Variants in CDH13 observed in about 807,000 individuals in gnomAD.
The protein encoded by CDH13 is cadherin 13.
Under a neutral mutation model 63.8 loss-of-function variants are expected in CDH13, and 24 were observed. The ratio of observed to expected loss-of-function variants is 0.38; its 90% CI spans 0.27 to 0.53. The LOEUF (loss-of-function observed/expected upper bound fraction) is 0.53, where lower values mean the gene tolerates loss of function less well. CDH13 is among the 20% of genes least tolerant of loss of function. The pLI is 0.85. For missense variants in CDH13, 1,049 were observed against 903.1 expected, an observed-to-expected ratio of 1.16 and a Z score of -2.07; for synonymous variants, 503 against 355.3, an observed-to-expected ratio of 1.42 and a Z score of -4.67.
At chr16:83,526,717 C>A (rs904733185) in intron 7 of CDH13, among the ~76,000 whole-genome samples, 2 of 152,214 alleles carry the variant, frequency 1.3e-5, no homozygotes, top group Non-Finnish European at 2.9e-5. Flanking sequence ...TCTTTCACTT[C>A]CCCAGCCCAG....
intron 10 of CDH13, among the ~76,000 whole-genome samples, chr16:83,684,320 G>T (rs537765370): frequency 6.6e-6 from 1 of 152,166 alleles, no homozygotes; most frequent in East Asian, 1.9e-4. Flanking sequence ...AAGTTACAGT[G>T]AGCAGAGATG....
At chr16:83,631,454 A>C (rs1245187936) in intron 8 of CDH13, among the ~76,000 whole-genome samples, 1 of 152,096 alleles carries the variant, frequency 6.6e-6, no homozygotes, top group African/African-American at 2.4e-5. Context: ...GATTTCAAAC[A>C]CAGCTTGTCT....
intron 2 of CDH13, among the ~76,000 whole-genome samples, chr16:82,941,510 G>A (rs1475510957): frequency 2.6e-5 from 4 of 152,200 alleles, no homozygotes; most frequent in African/African-American, 7.2e-5. Flanking sequence ...GTAGAAAATA[G>A]CCCTTCCCTT....
At chr16:83,301,578 C>T (rs4782530) in intron 5 of CDH13, among the ~76,000 whole-genome samples, 130,591 of 152,020 alleles carry the variant, frequency 0.86, 56,332 homozygotes, top group East Asian at 0.97. Context: ...AAGGTCGGAC[C>T]GACAGACTAT....
At chr16:83,597,685 C>G (rs1159718827) in intron 7 of CDH13, among the ~76,000 whole-genome samples, 1 of 152,176 alleles carries the variant, frequency 6.6e-6, no homozygotes, top group Non-Finnish European at 1.5e-5. Context: ...GAAACCTCAT[C>G]ACAAACTTTG....
Position 83,614,185 on chromosome 16 carries a change from G to A in CDH13, c.1101+11591G>A, listed in dbSNP as rs530059600. 2.6e-5 allele frequency among the ~76,000 whole-genome samples: 4 copies of A among 152,188 alleles called. No homozygotes were observed. The South Asian group carries it at 6.2e-4, about 24-fold the overall frequency. ...ATTCCCCCAGAGAGGATTCCCTTTTGCTTTCTGTAAACAGATAAGAGTAGG... is the reference window on the plus strand; with the variant it reads ...ATTCCCCCAGAGAGGATTCCCTTTTACTTTCTGTAAACAGATAAGAGTAGG... On this transcript the variant is annotated intron_variant, in intron 8 of 13. Coordinates refer to ENST00000567109, the MANE Select transcript of CDH13 (RefSeq NM_001257.5).
intron 10 of CDH13, among the ~76,000 whole-genome samples, chr16:83,688,189 C>CA (rs929435878): frequency 1.3e-5 from 2 of 152,114 alleles, no homozygotes; most frequent in African/African-American, 2.4e-5. Context: ...AAGGAAATCA[C>CA]AAAAAATGTT....
At chr16:83,049,767 T>C (rs752806396) in intron 3 of CDH13, among the ~76,000 whole-genome samples, 2 of 152,316 alleles carry the variant, frequency 1.3e-5, no homozygotes, top group East Asian at 1.9e-4. Context: ...TGATGGCCAT[T>C]TGGGCTTTTT....
At chr16:83,070,324 G>A (rs566368968) in intron 3 of CDH13, among the ~76,000 whole-genome samples, 1 of 152,266 alleles carries the variant, frequency 6.6e-6, no homozygotes, top group East Asian at 1.9e-4. Flanking sequence ...GATGACCTTT[G>A]AGGTGCCTTC....
Position 83,005,141 on chromosome 16 carries a change from G to A in CDH13, c.158-26869G>A, listed in dbSNP as rs148887271. 3.2e-3 allele frequency among the ~76,000 whole-genome samples: 487 copies of A among 152,294 alleles called. 1 individual carries two copies. The highest frequency in any genetic ancestry group is 0.014 in the Middle Eastern group (4 of 294). The stretch of plus-strand genomic sequence containing the variant: ...TAGCCAGGTACCTGAATAAAACCCA[G>A]AGGGTAGGAGATGAGATTCTATTAT... On this transcript the variant is annotated intron_variant, in intron 2 of 13. Coordinates refer to ENST00000567109, the MANE Select transcript of CDH13 (RefSeq NM_001257.5).
chr16:83,581,856 C>G (rs372318442), intron 7 of CDH13, among the ~76,000 whole-genome samples: 1 of 152,134 alleles, frequency 6.6e-6, no homozygotes, highest in Non-Finnish European at 1.5e-5. Flanking sequence ...AAAACTGAGT[C>G]TCCACCCTAG....
At chr16:82,766,578 G>A (rs2035059931) in intron 1 of CDH13, among the ~76,000 whole-genome samples, 1 of 152,190 alleles carries the variant, frequency 6.6e-6, no homozygotes, top group African/African-American at 2.4e-5. Flanking sequence ...TGAGGCTCTT[G>A]TGAGGACTAA....
At chr16:82,830,778 T>G (rs753817020) in intron 1 of CDH13, among the ~76,000 whole-genome samples, 2 of 152,206 alleles carry the variant, frequency 1.3e-5, no homozygotes, top group African/African-American at 4.8e-5. Flanking sequence ...GTAAAAATAG[T>G]CTTACATGCA....
At chr16:83,093,294 CTTTTTTTTTTTTTTTTTTTTTTTT>C (rs549590536) in intron 3 of CDH13, among the ~76,000 whole-genome samples, 861 of 35,362 alleles carry the variant, frequency 0.024, 24 homozygotes, top group African/African-American at 0.067. Context: ...ACCATAAGTA[CTTTTTTTTTTTTTTTTTTTTTTTT>C]TTTTTTTTTT....
chr16:83,050,867 C>A (rs78696435), intron 3 of CDH13, among the ~76,000 whole-genome samples: 6 of 152,098 alleles, frequency 3.9e-5, no homozygotes, highest in Non-Finnish European at 5.9e-5. Flanking sequence ...CCTCGTCTTC[C>A]CATGCACCTG....
intron 5 of CDH13, among the ~76,000 whole-genome samples, chr16:83,340,070 A>G (rs1366397388): frequency 6.6e-6 from 1 of 152,144 alleles, no homozygotes; most frequent in Non-Finnish European, 1.5e-5. Context: ...CCTCTCCATT[A>G]TACTTTGTTT....
intron 2 of CDH13, among the ~76,000 whole-genome samples, chr16:83,009,495 G>C (rs1320797068): frequency 6.6e-6 from 1 of 152,046 alleles, no homozygotes. Context: ...CTAGACAGCA[G>C]GCATCATGAT....
intron 7 of CDH13, among the ~76,000 whole-genome samples, chr16:83,519,857 C>G (rs75525993): frequency 4.4e-4 from 67 of 152,144 alleles, no homozygotes; most frequent in Non-Finnish European, 7.9e-4. Flanking sequence ...GAATGGGTTT[C>G]TTAGAGCTGG....
At chr16:83,470,675 CCACCACA>C (rs1567694858) in intron 6 of CDH13, among the ~76,000 whole-genome samples, 1 of 152,110 alleles carries the variant, frequency 6.6e-6, no homozygotes, top group African/African-American at 2.4e-5. Context: ...ATAATAGCAG[CCACCACA>C]ACCACAGGCT....
Sources: allele counts gnomAD v4.1 joint callset (sites outside exome capture counted in the v4.1 genomes callset), GRCh38; gene constraint gnomAD v4.1.1; transcripts MANE v1.5; gene names NCBI Gene and HGNC (gene_info 2026-07-23, HGNC 2026-07-21).